PDE1C: variants seen among roughly 807,000 people sequenced by gnomAD.
The protein encoded by PDE1C is phosphodiesterase 1C, also known as dual specificity calcium/calmodulin-dependent 3',5'-cyclic nucleotide phosphodiesterase 1C.
A neutral mutation model predicts 93.1 loss-of-function variants in PDE1C; 62 were observed. The observed-to-expected ratio is 0.67, with a 90% CI of 0.54 to 0.82. The LOEUF is 0.82. Ranked by LOEUF, PDE1C falls within the 40% of genes least tolerant of loss-of-function variation. The pLI is 0.00. For missense variants in PDE1C, 742 were observed against 884.6 expected (o/e 0.84, Z 2.04); for synonymous variants, 325 against 310.1 (o/e 1.05, Z -0.50).
chr7:32,139,109 C>G lies in PDE1C; in HGVS notation c.308+30676G>C, dbSNP rs17528266. Among the ~76,000 whole-genome samples the G allele has an allele frequency of 3.7e-3, 568 of 152,062 alleles. 20 individuals are homozygous for G. The East Asian group carries it at 0.067, about 18-fold the overall frequency. Reference sequence around the variant, plus strand: ...CAGAAACTATTCAGATACCTCTATCCTGGTGGAAATTTGAAAAGAGGGAGT... The same window carrying G: ...CAGAAACTATTCAGATACCTCTATCGTGGTGGAAATTTGAAAAGAGGGAGT... On this transcript the variant is annotated intron_variant, in intron 3 of 18. Coordinates refer to the PDE1C transcript ENST00000396193.
the PDE1C span, chr7:31,643,589 G>T: frequency 1.2e-6 from 2 of 1,614,034 alleles, no homozygotes; most frequent in Admixed American, 1.7e-5. Flanking sequence ...TGCACTGTGT[G>T]TGATCCTGTT....
At chr7:32,263,400 T>G (rs960787594) in intron 1 of PDE1C, among the ~76,000 whole-genome samples, 3 of 152,022 alleles carry the variant, frequency 2.0e-5, no homozygotes, top group African/African-American at 7.2e-5. Flanking sequence ...GTGAATAAAT[T>G]TAATTTAATT....
At chr7:32,259,064 G>A (rs1326552160) in intron 1 of PDE1C, among the ~76,000 whole-genome samples, 1 of 152,188 alleles carries the variant, frequency 6.6e-6, no homozygotes, top group Admixed American at 6.5e-5. Flanking sequence ...TAGAACATGA[G>A]TAAAGGTTTA....
intron 6 of PDE1C, among the ~76,000 whole-genome samples, chr7:31,870,086 T>C (rs2128855982): frequency 6.6e-6 from 1 of 152,038 alleles, no homozygotes; most frequent in African/African-American, 2.4e-5. Flanking sequence ...TATCAAATGC[T>C]ATGGAATACT....
At chr7:31,814,361 A>G (rs1787957001) in intron 15 of PDE1C, among the ~76,000 whole-genome samples, 1 of 152,072 alleles carries the variant, frequency 6.6e-6, no homozygotes, top group Non-Finnish European at 1.5e-5. Context: ...AAATGAATTA[A>G]GAGCAATCTC....
At chr7:32,365,812 C>T (rs774401358) in intron 1 of PDE1C, among the ~76,000 whole-genome samples, 2 of 152,204 alleles carry the variant, frequency 1.3e-5, no homozygotes, top group Non-Finnish European at 2.9e-5. Flanking sequence ...GCCTAGACCA[C>T]TGAGACACTC....
At chr7:32,016,311 C>T (rs1211706641) in intron 2 of PDE1C, among the ~76,000 whole-genome samples, 1 of 152,184 alleles carries the variant, frequency 6.6e-6, no homozygotes, top group Non-Finnish European at 1.5e-5. Flanking sequence ...GAATTTTTTC[C>T]TTGGCAAAGC....
intron 2 of PDE1C, among the ~76,000 whole-genome samples, chr7:31,987,408 T>C (rs1031852699): frequency 2.0e-5 from 3 of 152,150 alleles, no homozygotes; most frequent in African/African-American, 7.2e-5. Context: ...AGCCTCCATT[T>C]TCCAGAAAGT....
At chr7:32,215,276 GTGCCTTATGAT>G (rs1259334870) in intron 1 of PDE1C, among the ~76,000 whole-genome samples, 2 of 152,160 alleles carry the variant, frequency 1.3e-5, no homozygotes, top group African/African-American at 2.4e-5. Flanking sequence ...TAGGCTGCAT[GTGCCTTATGAT>G]CATCTGAGGT....
the PDE1C span, among the ~76,000 whole-genome samples, chr7:31,698,226 G>T: frequency 2.6e-5 from 4 of 152,276 alleles, no homozygotes; most frequent in East Asian, 7.7e-4. Flanking sequence ...TGAAAAAACA[G>T]CTCAGAAGAA....
rs1275059947 is a variant in PDE1C, at chr7:32,052,265, C to T, written c.102-685G>A. ...GAAGAGACCCAGTTCCAGCCCACGT[C>T]TGTTATTTACAGTCATTTAGCCTTG... On this transcript the variant is annotated intron_variant, in intron 1 of 17. Transcript: ENST00000396191. The T allele has an allele frequency of 6.4e-6, 3 of 472,324 alleles. No homozygotes were observed. The East Asian group carries it at 1.8e-4, about 29-fold the overall frequency. 29.3% of individuals were successfully genotyped at this position (472,324 alleles called of 1,614,324 possible).
chr7:31,716,324 C>T, the PDE1C span, among the ~76,000 whole-genome samples: 1 of 152,106 alleles, frequency 6.6e-6, no homozygotes, highest in South Asian at 2.1e-4. Flanking sequence ...TATGAGCTCT[C>T]CAGGTAGAGA....
chr7:32,344,891 G>T (rs1783823307), intron 1 of PDE1C, among the ~76,000 whole-genome samples: 1 of 152,088 alleles, frequency 6.6e-6, no homozygotes, highest in Non-Finnish European at 1.5e-5. Context: ...TAAACTAGTG[G>T]AGAGATATTA....
the PDE1C span, among the ~76,000 whole-genome samples, chr7:31,632,723 G>A: frequency 0.045 from 6,833 of 152,124 alleles, 441 homozygotes; most frequent in African/African-American, 0.14. Context: ...TGGTCAGACC[G>A]TCATCCCTAC....
upstream of PDE1C, chr7:32,071,084 G>A: frequency 1.0e-6 from 1 of 985,394 alleles, no homozygotes; most frequent in Non-Finnish European, 1.2e-6. Flanking sequence ...GGAGGGGCGC[G>A]CGGGCACCGC....
chr7:32,252,035 TA>T (rs1429801490), intron 1 of PDE1C, among the ~76,000 whole-genome samples: 1 of 152,210 alleles, frequency 6.6e-6, no homozygotes, highest in African/African-American at 2.4e-5. Context: ...CACCTCTCTA[TA>T]GAGCCAGGAT....
chr7:31,712,761 A>G, the PDE1C span, among the ~76,000 whole-genome samples: 48 of 152,328 alleles, frequency 3.2e-4, no homozygotes, highest in African/African-American at 1.0e-3. Context: ...GGTGGAAAGC[A>G]AGGAGGAGCA....
chr7:31,709,541 A>G, the PDE1C span, among the ~76,000 whole-genome samples: 1 of 152,178 alleles, frequency 6.6e-6, no homozygotes, highest in African/African-American at 2.4e-5. Flanking sequence ...CTCAACTCAC[A>G]GCATCTGAAA....
intron 1 of PDE1C, among the ~76,000 whole-genome samples, chr7:32,404,424 G>A (rs1463537226): frequency 6.6e-6 from 1 of 152,150 alleles, no homozygotes; most frequent in African/African-American, 2.4e-5. Context: ...CAAGAACACA[G>A]CTCACTACAG....
Sources: gnomAD v4.1 joint callset for allele counts (sites outside exome capture counted in the v4.1 genomes callset) on GRCh38, gnomAD v4.1.1 for gene constraint, MANE v1.5 for transcripts, NCBI Gene and HGNC (gene_info 2026-07-23, HGNC 2026-07-21) for gene names.